Variants in COL4A3 observed in about 807,000 individuals in gnomAD.
The protein encoded by COL4A3 is collagen type IV alpha 3 chain, also known as collagen alpha-3(IV) chain.
Under a neutral mutation model 217.4 loss-of-function variants are expected in COL4A3, and 135 were observed. The ratio of observed to expected loss-of-function variants is 0.62; its 90% CI spans 0.54 to 0.72. COL4A3 has a LOEUF of 0.72. Among genes scored for constraint, COL4A3 ranks in the 30% least tolerant of loss-of-function variants. The probability of loss-of-function intolerance (pLI) is 0.00; values close to 1 mark genes in which losing one functional copy is unlikely to be tolerated. For missense variants in COL4A3, 1,868 were observed against 2,119.9 expected (o/e 0.88, Z 2.33); for synonymous variants, 690 against 736.3 (o/e 0.94, Z 1.02).
chr2:227,289,107 C>A, intron 34 of COL4A3, 43 bp from the exon 35 acceptor site: 1 of 1,517,296 alleles, frequency 6.6e-7, no homozygotes. Flanking sequence ...CCTGCCACCA[C>A]ACCTGGCTAA....
intron 38 of COL4A3, chr2:227,293,797 G>T: frequency 2.1e-6 from 1 of 470,800 alleles, no homozygotes; most frequent in Non-Finnish European, 4.4e-6. Flanking sequence ...TTTCTTGTGG[G>T]GCCCCTGTTC....
chr2:227,180,534 C>G (rs2065836443), intron 1 of COL4A3, among the ~76,000 whole-genome samples: 1 of 152,132 alleles, frequency 6.6e-6, no homozygotes, highest in South Asian at 2.1e-4. Flanking sequence ...TCTGAGGCAC[C>G]CTGGGATCTA....
At chr2:227,231,279 G>T (rs2068388229) in intron 1 of COL4A3, among the ~76,000 whole-genome samples, 1 of 152,162 alleles carries the variant, frequency 6.6e-6, no homozygotes, top group Non-Finnish European at 1.5e-5. Context: ...CCATACCTCT[G>T]TGCAATAGCA....
intron 1 of COL4A3, among the ~76,000 whole-genome samples, chr2:227,216,305 G>A (rs756179721): frequency 8.5e-5 from 13 of 152,120 alleles, no homozygotes; most frequent in African/African-American, 2.7e-4. Flanking sequence ...ATTGTAAAAT[G>A]TACTGACTGG....
At chr2:227,277,675 A>G in intron 28 of COL4A3, 122 bp downstream of exon 28, 1 of 674,116 alleles carries the variant, frequency 1.5e-6, no homozygotes, top group Non-Finnish European at 2.6e-6. Flanking sequence ...ATATAAAATG[A>G]GTAAAATAGG....
At chr2:227,196,707 G>T (rs1373717994) in intron 1 of COL4A3, among the ~76,000 whole-genome samples, 2 of 152,170 alleles carry the variant, frequency 1.3e-5, no homozygotes, top group East Asian at 1.9e-4. Context: ...CAATATACAG[G>T]TTTATAGCCT....
intron 26 of COL4A3, among the ~76,000 whole-genome samples, chr2:227,273,948 C>T (rs977110791): frequency 1.3e-5 from 2 of 152,048 alleles, no homozygotes; most frequent in African/African-American, 4.8e-5. Context: ...CTTCTAAAAT[C>T]ACCTTAGGCT....
intron 47 of COL4A3, 87 bp downstream of exon 47, chr2:227,305,170 T>TAAC: frequency 1.8e-6 from 2 of 1,113,980 alleles, no homozygotes; most frequent in Non-Finnish European, 2.7e-6. Context: ...ATATGAGTTA[T>TAAC]CTAGGCCTTT....
At position 227,171,173 on chromosome 2, in the gene COL4A3, C is replaced by T. The variant is rs554944377; in HGVS notation, c.87+6360C>T. On this transcript the variant is annotated intron_variant, in intron 1 of 51. Coordinates refer to ENST00000396578, the MANE Select transcript of COL4A3 (RefSeq NM_000091.5). ...AAGTCACCCTTGCATCTGTCTCAGC[C>T]ACAATCCCCTTTCTTTTCCCTGAAA... Among the ~76,000 whole-genome samples the T allele has an allele frequency of 9.1e-4, 138 of 152,338 alleles. 3 individuals carry two copies. In the South Asian group the frequency reaches 0.023, roughly 25 times the overall value.
chr2:227,180,114 C>T (rs1489400357), intron 1 of COL4A3, among the ~76,000 whole-genome samples: 1 of 152,210 alleles, frequency 6.6e-6, no homozygotes, highest in African/African-American at 2.4e-5. Flanking sequence ...TGCCCCAGAT[C>T]AAGCCCTTGT....
At position 227,164,748 on chromosome 2, in the gene COL4A3, A is replaced by G. The variant is rs1051432500; in HGVS notation, c.22A>G (p.Arg8Gly). The stretch of plus-strand genomic sequence containing the variant: ...CACCATGAGCGCCCGGACCGCCCCC[A>G]GGCCGCAGGTGCTCCTGCTGCCGCT... MSARTAPRPQVLLLPLLL... is the reference protein window; with the variant it reads MSARTAPGPQVLLLPLLL... The change falls in exon 1 of 52, where the codon AGG becomes GGG. Residue 8 changes from arginine (R) to glycine (G), a missense_variant. Coordinates refer to ENST00000396578, the MANE Select transcript of COL4A3 (RefSeq NM_000091.5). The surrounding 1 kb of genome is among the most constrained non-coding windows in gnomAD (Gnocchi z 4.8). The G allele has an allele frequency of 1.3e-6, 2 of 1,526,986 alleles. No individual in the cohort carries two copies. Among genetic ancestry groups the G allele is most frequent in the Middle Eastern group, 2.3e-4 (1 of 4,344 alleles). 94.6% of individuals were successfully genotyped at this position (1,526,986 alleles called of 1,614,324 possible). A position where few individuals can be genotyped will look rare whatever the true frequency, so the allele number is the denominator to read the frequency against.
intron 1 of COL4A3, among the ~76,000 whole-genome samples, chr2:227,203,963 C>A (rs895087957): frequency 6.6e-6 from 1 of 151,960 alleles, no homozygotes; most frequent in Non-Finnish European, 1.5e-5. Flanking sequence ...AGACCAGTAC[C>A]AGGGCTTAAT....
chr2:227,238,304 A>G (rs1261801706), intron 2 of COL4A3: 1 of 306,422 alleles, frequency 3.3e-6, no homozygotes, highest in East Asian at 7.6e-5. Context: ...AAGAAAGTTT[A>G]TGACAAGTCT....
Position 227,276,462 on chromosome 2 carries a change from C to T in COL4A3, c.2005C>T (p.Pro669Ser), listed in dbSNP as rs760523928. ...GPPGPPGHPG[P>S]QGPPGIPGSL... is the part of the protein sequence containing the mutation. ...TCCAGGGCCCCCTGGCCATCCTGGCCCCCAAGGTCCACCTGGTAAGTATCC... is the reference window on the plus strand; with the variant it reads ...TCCAGGGCCCCCTGGCCATCCTGGCTCCCAAGGTCCACCTGGTAAGTATCC... The change falls in exon 27 of 52, where the codon CCC becomes TCC. Residue 669 changes from proline (P) to serine (S), a missense_variant. Coordinates refer to ENST00000396578, the MANE Select transcript of COL4A3 (RefSeq NM_000091.5). 6 of 1,613,884 alleles carry T rather than the reference C, an allele frequency of 3.7e-6. No individual in the cohort carries two copies. Among genetic ancestry groups the T allele is most frequent in the Non-Finnish European group, 4.2e-6 (5 of 1,179,774 alleles).
At chr2:227,272,065 C>T (rs2071274414) in intron 25 of COL4A3, among the ~76,000 whole-genome samples, 1 of 152,174 alleles carries the variant, frequency 6.6e-6, no homozygotes, top group African/African-American at 2.4e-5. Flanking sequence ...GACTACAAAA[C>T]CCTTTTTGGC....
rs780059011 is a variant in COL4A3, at chr2:227,270,964, G to A, written c.1758+12G>A. ...CTAAAGGCGAACTGGTTGGTATTTA[G>A]CAACTTTACCCTCCCTATAAATGAA... On this transcript the variant is annotated intron_variant, in intron 25 of 51. Coordinates refer to ENST00000396578, the MANE Select transcript of COL4A3 (RefSeq NM_000091.5). The A allele has an allele frequency of 1.9e-6, 3 of 1,613,508 alleles. No individual in the cohort carries two copies. In the African/African-American group the frequency reaches 4.0e-5, roughly 22 times the overall value.
chr2:227,310,739 G>A (rs766161221), intron 50 of COL4A3, 37 bp from the exon 51 acceptor site: 3 of 1,594,030 alleles, frequency 1.9e-6, no homozygotes, highest in South Asian at 1.1e-5. Context: ...AACCCCAATG[G>A]ACAGAGTGTT....
At chr2:227,301,016 GA>G (rs939322356) in intron 43 of COL4A3, among the ~76,000 whole-genome samples, 2 of 152,170 alleles carry the variant, frequency 1.3e-5, no homozygotes, top group East Asian at 3.9e-4. Context: ...GAGGAGTCTG[GA>G]GGGCTAAGCA....
At chr2:227,256,252 T>C in intron 16 of COL4A3, 91 bp from the exon 17 acceptor site, 6 of 1,244,276 alleles carry the variant, frequency 4.8e-6, no homozygotes, top group Non-Finnish European at 7.1e-6. Flanking sequence ...GCACATTCTT[T>C]TGTTTCAGAG....
Sources: gnomAD v4.1 joint callset for allele counts (sites outside exome capture counted in the v4.1 genomes callset) on GRCh38, gnomAD v4.1.1 for gene constraint, Gnocchi (gnomAD v3.1) non-coding constraint, MANE v1.5 for transcripts, NCBI Gene and HGNC (gene_info 2026-07-23, HGNC 2026-07-21) for gene names.